The following CDCA4 variants were observed in gnomAD, a reference collection of about 807,000 sequenced individuals.
CDCA4 encodes cell division cycle associated 4.
For synonymous variants in CDCA4, 130 were observed against 137.0 expected, an observed-to-expected ratio of 0.95 and a Z score of 0.36; for missense variants, 294 against 322.1, an observed-to-expected ratio of 0.91 and a Z score of 0.67.
intron 1 of CDCA4, among the ~76,000 whole-genome samples, chr14:105,016,178 C>T (rs1236293605): frequency 6.6e-6 from 1 of 152,204 alleles, no homozygotes; most frequent in African/African-American, 2.4e-5. Context: ...TTCCACAGCT[C>T]ACCATAGACA....
chr14:105,011,169 C>T lies in CDCA4; in HGVS notation c.*35G>A, dbSNP rs760607947. ...GGGAGCCAGTGCTCACGTGTCAATGCGTCAGAGGCGGCTGTGAGCACTCAG... is the reference window on the plus strand; with the variant it reads ...GGGAGCCAGTGCTCACGTGTCAATGTGTCAGAGGCGGCTGTGAGCACTCAG... On this transcript the variant is annotated 3_prime_UTR_variant, in exon 2 of 2. Transcript: ENST00000336219. 5.7e-6 allele frequency: 9 copies of T among 1,568,608 alleles called. No homozygotes were observed. The highest frequency in any genetic ancestry group is 3.6e-5 in the South Asian group (3 of 83,256).
chr14:105,018,655 G>A (rs1308437101), intron 1 of CDCA4, among the ~76,000 whole-genome samples: 1 of 152,142 alleles, frequency 6.6e-6, no homozygotes, highest in Admixed American at 6.5e-5. Flanking sequence ...TTCTGCCTGA[G>A]GCTGCTTAAC....
In CDCA4 at chr14:105,010,994, G is replaced by A. The variant is rs541210751; in HGVS notation, c.*210C>T. 1.4e-4 allele frequency: 85 copies of A among 611,712 alleles called. No homozygotes were observed. The African/African-American group carries it at 1.5e-3, about 11-fold the overall frequency. 37.9% of individuals were successfully genotyped at this position (611,712 alleles called of 1,614,324 possible). On this transcript the variant is annotated 3_prime_UTR_variant, in exon 2 of 2. Transcript: ENST00000336219. ...ACGTCAGAAGACAAGAAGCCTTCCA[G>A]AACAGCCTCTGCCTGGCGCTCCACA...
chr14:105,013,272 T>C (rs1333294549), intron 1 of CDCA4, among the ~76,000 whole-genome samples: 1 of 150,860 alleles, frequency 6.6e-6, no homozygotes, highest in Non-Finnish European at 1.5e-5. Context: ...GACAGGAGGG[T>C]GGGCTCTGGC....
Position 105,011,870 on chromosome 14 carries a change from G to T in CDCA4, c.60C>A (p.Ala20=), listed in dbSNP as rs1318494927. 2 of 1,613,856 alleles carry T rather than the reference G, an allele frequency of 1.2e-6. No homozygotes were observed. The highest frequency in any genetic ancestry group is 1.7e-6 in the Non-Finnish European group (2 of 1,180,022). ...CVGHEEDVEG[A]LAGLKTVSSY... ...AGGACACTGTCTTCAAGCCGGCCAG[G>T]GCTCCCTCCACGTCTTCCTCGTGGC... The change falls in exon 2 of 2, where the codon GCC becomes GCA. Residue 20 remains alanine (A), a synonymous_variant. Coordinates refer to ENST00000336219, the MANE Select transcript of CDCA4 (RefSeq NM_017955.4).
At chr14:105,017,852 A>AC (rs1186022508) in intron 1 of CDCA4, among the ~76,000 whole-genome samples, 2 of 151,394 alleles carry the variant, frequency 1.3e-5, no homozygotes, top group Admixed American at 6.6e-5. Context: ...ACACACACAC[A>AC]AAAAAAACAC....
rs1566937747 is a variant in CDCA4 at position 105,011,142 on chromosome 14, G to C, written c.*62C>G. The stretch of plus-strand genomic sequence containing the variant: ...GCCGCTGGCGGCAGGCGCACCCTCC[G>C]TGGGAGCCAGTGCTCACGTGTCAAT... On this transcript the variant is annotated 3_prime_UTR_variant, in exon 2 of 2. Transcript: ENST00000336219. 3.3e-6 allele frequency: 5 copies of C among 1,523,296 alleles called. No individual in the cohort carries two copies. In the South Asian group the frequency reaches 5.2e-5, roughly 16 times the overall value. The allele number at this position is 1,523,296 out of a possible 1,614,324, so 94.4% of individuals were successfully genotyped here.
Position 105,011,132 on chromosome 14 carries a change from C to T in CDCA4, c.*72G>A, listed in dbSNP as rs528833536. ...GCAAGGCTGGGCCGCTGGCGGCAGG[C>T]GCACCCTCCGTGGGAGCCAGTGCTC... On this transcript the variant is annotated 3_prime_UTR_variant, in exon 2 of 2. Coordinates refer to ENST00000336219, the MANE Select transcript of CDCA4 (RefSeq NM_017955.4). The T allele has an allele frequency of 1.8e-5, 27 of 1,499,362 alleles. No homozygotes were observed. The highest frequency in any genetic ancestry group is 9.8e-5 in the African/African-American group (7 of 71,322). 92.9% of individuals were successfully genotyped at this position (1,499,362 alleles called of 1,614,324 possible).
rs142906536 is a variant in CDCA4, at chr14:105,012,044, G to A, written c.-6-109C>T. 284 of 1,287,402 alleles carry A rather than the reference G, an allele frequency of 2.2e-4. 1 individual carries two copies. The highest frequency in any genetic ancestry group is 1.6e-3 in the Middle Eastern group (6 of 3,654). The allele number at this position is 1,287,402 out of a possible 1,614,324, so 79.7% of individuals were successfully genotyped here. On this transcript the variant is annotated intron_variant, in intron 1 of 1. Coordinates refer to ENST00000336219, the MANE Select transcript of CDCA4 (RefSeq NM_017955.4). Reference sequence around the variant, plus strand: ...ACTGTACGCAAGGAGCAGCGACTCCGTAACTGGCAGGGACTTGACAGAGCT... The same window carrying A: ...ACTGTACGCAAGGAGCAGCGACTCCATAACTGGCAGGGACTTGACAGAGCT...
In CDCA4 at chr14:105,011,758, G is replaced by A. The variant is rs759143770; in HGVS notation, c.172C>T (p.Arg58Cys). 3.7e-6 allele frequency: 6 copies of A among 1,613,688 alleles called. No homozygotes were observed. Among genetic ancestry groups the A allele is most frequent in the Middle Eastern group, 1.6e-4 (1 of 6,062 alleles). The change falls in exon 2 of 2, where the codon CGC (arginine) becomes TGC (cysteine). Residue 58 changes from arginine (R) to cysteine (C), a missense_variant. Coordinates refer to ENST00000336219, the MANE Select transcript of CDCA4 (RefSeq NM_017955.4). ...ACCGTGTTGGCAATGAGGACTGAGC[G>A]GCACAGGTTGGGCTCCACAAGCATG... ...CHMLVEPNLC[R>C]SVLIANTVRQ...
chr14:105,020,276 G>C (rs1347441236), intron 1 of CDCA4, among the ~76,000 whole-genome samples: 1 of 152,214 alleles, frequency 6.6e-6, no homozygotes, highest in East Asian at 1.9e-4. Context: ...TCTGTGGCTC[G>C]CTTTGAGAGA....
chr14:105,011,567 G>C lies in CDCA4; in HGVS notation c.363C>G (p.His121Gln). The change falls in exon 2 of 2, where the codon CAC (histidine) becomes CAG (glutamine). Residue 121 changes from histidine to glutamine, a missense_variant. Physicochemically the swap from His to Gln is conservative, Grantham distance 24. Transcript: ENST00000336219. ...AAAGGTCAGAAACTGGACCCTGTGT[G>C]TGGCCGTCCCCCAAGCCAGGAGCAG... The part of the protein sequence containing the change: ...AHPAPGLGDG[H>Q]TQGPVSDLCP... 1 of 1,614,022 alleles carries C rather than the reference G, an allele frequency of 6.2e-7. No homozygotes were observed.
Position 105,011,684 on chromosome 14 carries a change from C to T in CDCA4, c.246G>A (p.Val82=), listed in dbSNP as rs765269515. ...GCGCCCGCTCTGCAGCCTGGGGTGC[C>T]ACTGTGCGCCACGTCCCATCCTGCG... ...EMTQDGTWRT[V]APQAAERAPL... is the part of the protein sequence containing the mutation. Residue 82 remains valine, a synonymous_variant, in exon 2 of 2, where the codon GTG becomes GTA. Coordinates refer to ENST00000336219, the MANE Select transcript of CDCA4 (RefSeq NM_017955.4). 6.2e-7 allele frequency: 1 copy of T among 1,613,684 alleles called. No individual in the cohort carries two copies. The highest frequency in any genetic ancestry group is 1.7e-5 in the Admixed American group (1 of 60,006).
Position 105,013,200 on chromosome 14 carries a change from GT to G in CDCA4, c.-6-1266del, listed in dbSNP as rs78358909. 4.1e-3 allele frequency among the ~76,000 whole-genome samples: 610 copies of G among 147,048 alleles called. 2 individuals are homozygous for G. The highest frequency in any genetic ancestry group is 0.012 in the African/African-American group (485 of 39,534). On this transcript the variant is annotated intron_variant, in intron 1 of 1. Coordinates refer to ENST00000336219, the MANE Select transcript of CDCA4 (RefSeq NM_017955.4). ...TCAGAAGTACAAGTCTGTGCAAACT[GT>G]TTTTTTTTTTTTTTAACTGATTCTA...
chr14:105,011,736 G>A lies in CDCA4; in HGVS notation c.194C>T (p.Thr65Met), dbSNP rs746699008. 9.3e-6 allele frequency: 15 copies of A among 1,613,582 alleles called. No individual in the cohort carries two copies. In the South Asian group the frequency reaches 1.1e-4, roughly 12 times the overall value. ...CATCTCCTCTTGGATCTGCCGGACC[G>A]TGTTGGCAATGAGGACTGAGCGGCA... ...NLCRSVLIAN[T>M]VRQIQEEMTQ... The change falls in exon 2 of 2, where the codon ACG becomes ATG. Residue 65 changes from threonine to methionine, a missense_variant. Thr to Met is a moderately conservative substitution (Grantham distance 81). Coordinates refer to ENST00000336219, the MANE Select transcript of CDCA4 (RefSeq NM_017955.4).
intron 1 of CDCA4, 81 bp from the exon 2 acceptor site, chr14:105,012,016 C>A: frequency 2.7e-6 from 4 of 1,488,682 alleles, no homozygotes; most frequent in African/African-American, 2.8e-5. Flanking sequence ...TCTGACTGCC[C>A]TCACTGTACG....
chr14:105,011,097 A>G lies in CDCA4; in HGVS notation c.*107T>C. 1 of 1,316,992 alleles carries G rather than the reference A, an allele frequency of 7.6e-7. No homozygotes were observed. The highest frequency in any genetic ancestry group is 1.0e-6 in the Non-Finnish European group (1 of 978,062). 81.6% of individuals were successfully genotyped at this position (1,316,992 alleles called of 1,614,324 possible). On this transcript the variant is annotated 3_prime_UTR_variant, in exon 2 of 2. Coordinates refer to ENST00000336219, the MANE Select transcript of CDCA4 (RefSeq NM_017955.4). Reference sequence around the variant, plus strand: ...TGTTCTGGGATTTCTCAGAATCAGCAGACAGGGCAGCAAGGCTGGGCCGCT... The same window carrying G: ...TGTTCTGGGATTTCTCAGAATCAGCGGACAGGGCAGCAAGGCTGGGCCGCT...
intron 1 of CDCA4, among the ~76,000 whole-genome samples, chr14:105,016,980 T>C (rs1900667147): frequency 6.6e-6 from 1 of 152,262 alleles, no homozygotes; most frequent in Non-Finnish European, 1.5e-5. Flanking sequence ...TGTTTTTGCA[T>C]GAACATTGGT....
intron 1 of CDCA4, among the ~76,000 whole-genome samples, chr14:105,020,764 G>C (rs1886211000): frequency 6.6e-6 from 1 of 151,988 alleles, no homozygotes; most frequent in Non-Finnish European, 1.5e-5. Context: ...CGGCGGCCCG[G>C]GCCCCTCTGT....
Sources: gnomAD v4.1 joint callset for allele counts (sites outside exome capture counted in the v4.1 genomes callset) on GRCh38, gnomAD v4.1.1 for gene constraint, MANE v1.5 for transcripts, NCBI Gene and HGNC (gene_info 2026-07-23, HGNC 2026-07-21) for gene names.